Variants in CSMD1 observed in about 807,000 individuals in gnomAD.
CSMD1 encodes the protein CUB and sushi domain-containing protein 1.
In CSMD1, 213 loss-of-function variants were observed where a neutral mutation model predicts 417.5. The ratio of observed to expected loss-of-function variants is 0.51; its 90% confidence interval spans 0.46 to 0.57. The LOEUF (loss-of-function observed/expected upper bound fraction) is 0.57, where lower values mean the gene tolerates loss of function less well. Ranked by LOEUF, CSMD1 falls within the 20% of genes least tolerant of loss-of-function variation. The pLI, the probability that CSMD1 is intolerant of heterozygous loss-of-function variation, is 0.00. For synonymous variants in CSMD1, 2,862 were observed against 1,736.8 expected (o/e 1.65, Z -16.11); for missense variants, 6,923 against 4,529.7 (o/e 1.53, Z -15.17).
At chr8:3,849,192 A>C (rs563101175) in intron 5 of CSMD1, among the ~76,000 whole-genome samples, 8 of 152,312 alleles carry the variant, frequency 5.3e-5, no homozygotes, top group African/African-American at 1.9e-4. Context: ...TGAATGAAAA[A>C]TCAACCTGGG....
At chr8:4,720,312 C>G (rs1460297357) in intron 1 of CSMD1, among the ~76,000 whole-genome samples, 1 of 152,086 alleles carries the variant, frequency 6.6e-6, no homozygotes, top group Non-Finnish European at 1.5e-5. Flanking sequence ...ATTCCTTCTT[C>G]TCAAAATCTA....
chr8:4,265,372 C>A (rs1585124377), intron 3 of CSMD1, among the ~76,000 whole-genome samples: 3 of 46,978 alleles, frequency 6.4e-5, no homozygotes, highest in Admixed American at 2.1e-4. Context: ...TATCATTTGA[C>A]ATGTTACAAT....
At chr8:4,811,233 G>A (rs1798884456) in intron 1 of CSMD1, among the ~76,000 whole-genome samples, 1 of 152,132 alleles carries the variant, frequency 6.6e-6, no homozygotes. Flanking sequence ...CAAGAGAACT[G>A]AAGACAATTC....
intron 3 of CSMD1, among the ~76,000 whole-genome samples, chr8:4,400,300 T>C (rs961158233): frequency 6.6e-6 from 1 of 152,192 alleles, no homozygotes; most frequent in Non-Finnish European, 1.5e-5. Flanking sequence ...GCAAATGGGA[T>C]TTCGCAGTTC....
chr8:4,004,921 T>C (rs1008727012), intron 4 of CSMD1, among the ~76,000 whole-genome samples: 3 of 152,034 alleles, frequency 2.0e-5, no homozygotes, highest in African/African-American at 7.2e-5. Context: ...ATTTTTTGTA[T>C]TTTTAGTAGA....
chr8:4,776,876 T>C (rs754074280), intron 1 of CSMD1, among the ~76,000 whole-genome samples: 8 of 152,242 alleles, frequency 5.3e-5, no homozygotes, highest in Non-Finnish European at 1.2e-4. Context: ...GTTTTCTGCT[T>C]ATCTTCATCT....
At chr8:3,570,902 G>C (rs187065689) in intron 10 of CSMD1, among the ~76,000 whole-genome samples, 52 of 152,250 alleles carry the variant, frequency 3.4e-4, no homozygotes, top group Non-Finnish European at 6.3e-4. Context: ...CTTCTTTTTA[G>C]ATAGAATTTC....
intron 12 of CSMD1, among the ~76,000 whole-genome samples, chr8:3,440,685 C>T (rs1814917694): frequency 6.6e-6 from 1 of 152,182 alleles, no homozygotes; most frequent in Non-Finnish European, 1.5e-5. Context: ...CAGCACTATA[C>T]TGAATGGGAA....
intron 1 of CSMD1, among the ~76,000 whole-genome samples, chr8:4,744,868 A>G (rs1810854244): frequency 6.6e-6 from 1 of 152,196 alleles, no homozygotes; most frequent in Admixed American, 6.5e-5. Flanking sequence ...CAGACATTAA[A>G]GTTGAACTGA....
chr8:4,708,919 G>A (rs1418595058), intron 1 of CSMD1, among the ~76,000 whole-genome samples: 4 of 152,148 alleles, frequency 2.6e-5, no homozygotes, highest in Non-Finnish European at 5.9e-5. Flanking sequence ...AATACAGGAA[G>A]GTGGTCATTC....
chr8:3,284,052 A>G, intron 26 of CSMD1, 92 bp downstream of exon 26: 5 of 1,051,188 alleles, frequency 4.8e-6, no homozygotes, highest in Non-Finnish European at 7.2e-6. Flanking sequence ...CATCTGTGTA[A>G]GGAGACGCTG....
chr8:4,445,323 T>G (rs550027745), intron 2 of CSMD1, among the ~76,000 whole-genome samples: 1 of 152,210 alleles, frequency 6.6e-6, no homozygotes, highest in African/African-American at 2.4e-5. Flanking sequence ...ATCAACCATT[T>G]TCTGTATACT....
intron 6 of CSMD1, among the ~76,000 whole-genome samples, chr8:3,720,182 C>A (rs562097276): frequency 6.6e-6 from 1 of 152,288 alleles, no homozygotes; most frequent in Non-Finnish European, 1.5e-5. Context: ...TGGGGATGAA[C>A]CTCTCCACTC....
At chr8:4,175,678 T>C (rs191366571) in intron 3 of CSMD1, among the ~76,000 whole-genome samples, 83 of 152,208 alleles carry the variant, frequency 5.5e-4, no homozygotes, top group Non-Finnish European at 9.1e-4. Context: ...AGAAACTACA[T>C]ATACATAATG....
intron 2 of CSMD1, among the ~76,000 whole-genome samples, chr8:4,566,589 C>T (rs972878263): frequency 7.6e-6 from 1 of 131,734 alleles, no homozygotes; most frequent in African/African-American, 2.9e-5. Context: ...GGAGGTGGAG[C>T]TTGCAGTGAG....
At chr8:4,821,381 C>A (rs1433588608) in intron 1 of CSMD1, among the ~76,000 whole-genome samples, 1 of 152,040 alleles carries the variant, frequency 6.6e-6, no homozygotes, top group Admixed American at 6.6e-5. Flanking sequence ...GTGCGTTTAT[C>A]CCCATAAAGC....
chr8:3,998,759 T>C lies in CSMD1; in HGVS notation c.611-649A>G, dbSNP rs180707779. 8.4e-4 allele frequency among the ~76,000 whole-genome samples: 127 copies of C among 152,010 alleles called. No individual in the cohort carries two copies. In the South Asian group the frequency reaches 0.011, roughly 13 times the overall value. ...ATAGAAACTAACAATTAAAAAATTA[T>C]TGGTTAGAAAGGAAACAGATCTTGG... On this transcript the variant is annotated intron_variant, in intron 4 of 69. Transcript: ENST00000635120.
chr8:4,860,102 T>A (rs1347080335), intron 1 of CSMD1, among the ~76,000 whole-genome samples: 1 of 151,790 alleles, frequency 6.6e-6, no homozygotes, highest in Non-Finnish European at 1.5e-5. Context: ...TGAGTTCACG[T>A]CCTTTGTAGG....
chr8:4,567,149 T>A (rs1446475703), intron 2 of CSMD1, among the ~76,000 whole-genome samples: 1 of 152,218 alleles, frequency 6.6e-6, no homozygotes, highest in Non-Finnish European at 1.5e-5. Context: ...CTCAGAGTAT[T>A]CCATGAATGT....
Sources: allele counts gnomAD v4.1 joint callset (sites outside exome capture counted in the v4.1 genomes callset), GRCh38; gene constraint gnomAD v4.1.1; transcripts MANE v1.5; gene names NCBI Gene and HGNC (gene_info 2026-07-23, HGNC 2026-07-21).